The following PTPRG variants were observed in gnomAD, a reference collection of about 807,000 sequenced individuals.
The protein encoded by PTPRG is receptor-type tyrosine-protein phosphatase gamma.
PTPRG carries 102 observed loss-of-function variants against 165.3 expected under a neutral mutation model. The observed-to-expected ratio is 0.62, with a 90% CI of 0.53 to 0.73. The LOEUF (loss-of-function observed/expected upper bound fraction) is 0.73, where lower values mean the gene tolerates loss of function less well. Ranked by LOEUF, PTPRG falls within the 30% of genes least tolerant of loss-of-function variation. The pLI is 0.00. For missense variants in PTPRG, 1,866 were observed against 1,861.4 expected, an observed-to-expected ratio of 1.00 and a Z score of -0.05; for synonymous variants, 675 against 669.5, an observed-to-expected ratio of 1.01 and a Z score of -0.13.
chr3:62,136,210 A>C (rs1270807055), intron 6 of PTPRG, among the ~76,000 whole-genome samples: 1 of 152,188 alleles, frequency 6.6e-6, no homozygotes, highest in Non-Finnish European at 1.5e-5. Context: ...TCAGTACACC[A>C]TGAAGCTAGG....
intron 5 of PTPRG, among the ~76,000 whole-genome samples, chr3:62,080,061 C>CT (rs774262138): frequency 0.056 from 6,225 of 111,444 alleles, 638 homozygotes; most frequent in African/African-American, 0.15. Flanking sequence ...CCCTTCGGTT[C>CT]ATTTTTTTTT....
At chr3:61,750,048 G>C (rs1035710138) in intron 2 of PTPRG, 1 of 152,164 alleles carries the variant, frequency 6.6e-6, no homozygotes, top group African/African-American at 2.4e-5. Flanking sequence ...CCCCTGCAGG[G>C]AGAATATCCT....
chr3:61,641,369 C>T (rs1043336095), intron 1 of PTPRG, among the ~76,000 whole-genome samples: 3 of 152,140 alleles, frequency 2.0e-5, no homozygotes, highest in African/African-American at 4.8e-5. Flanking sequence ...CTCGGGAGGG[C>T]AAGACGCCCA....
chr3:61,790,072 A>G (rs2034824313), intron 2 of PTPRG, among the ~76,000 whole-genome samples: 1 of 152,144 alleles, frequency 6.6e-6, no homozygotes, highest in African/African-American at 2.4e-5. Flanking sequence ...TGTGTTGCAG[A>G]GTTCACAGGC....
chr3:62,078,669 C>G (rs1047730836), intron 5 of PTPRG, among the ~76,000 whole-genome samples: 1 of 152,012 alleles, frequency 6.6e-6, no homozygotes, highest in Non-Finnish European at 1.5e-5. Flanking sequence ...AAAGAGACCC[C>G]CTCTCTTTCC....
In PTPRG at chr3:62,195,156, C is replaced by T. The variant is rs1033010129; in HGVS notation, c.1313C>T (p.Thr438Met). The T allele has an allele frequency of 5.6e-6, 9 of 1,614,182 alleles. No individual in the cohort carries two copies. Among genetic ancestry groups the T allele is most frequent in the South Asian group, 3.3e-5 (3 of 91,088 alleles). Residue 438 changes from threonine (T) to methionine (M), a missense_variant, in exon 10 of 30, where the codon ACG (threonine) becomes ATG (methionine). Around this residue, in one of 3 missense-constraint regions of PTPRG, gnomAD observed 1,452 missense variants for 1,463.0 expected, o/e 0.99. Coordinates refer to ENST00000474889, the MANE Select transcript of PTPRG (RefSeq NM_002841.4). This position sits in a 1 kb window ranked among gnomAD's most constrained non-coding sequence, Gnocchi z 4.4. ...RNDMRSDFSQ[T>M]MLFQANTTRI... The stretch of plus-strand genomic sequence containing the variant: ...GACATGCGCAGCGACTTTAGCCAGA[C>T]GATGCTGTTTCAAGGTGAGGCTGGC...
At chr3:61,708,114 T>G (rs1383200433) in intron 1 of PTPRG, among the ~76,000 whole-genome samples, 3 of 151,876 alleles carry the variant, frequency 2.0e-5, no homozygotes, top group African/African-American at 7.3e-5. Context: ...TTTAGGGATA[T>G]TTGCCTCCCC....
intron 2 of PTPRG, among the ~76,000 whole-genome samples, chr3:61,876,913 A>G (rs1294377110): frequency 7.4e-5 from 11 of 148,722 alleles, no homozygotes; most frequent in Admixed American, 6.6e-4. Context: ...TATTTACTTA[A>G]CTTAAGTAGT....
chr3:62,206,912 C>CAAAAAAAAAAAAAAAAA (rs556974355), intron 12 of PTPRG, among the ~76,000 whole-genome samples: 10 of 37,334 alleles, frequency 2.7e-4, no homozygotes, highest in African/African-American at 7.1e-4. Flanking sequence ...GACTCTGTCT[C>CAAAAAAAAAAAAAAAAA]AAAAAAAAAA....
chr3:61,995,236 A>G (rs1439588248), intron 3 of PTPRG, among the ~76,000 whole-genome samples: 1 of 151,722 alleles, frequency 6.6e-6, no homozygotes, highest in African/African-American at 2.4e-5. Context: ...TTACAGGTGC[A>G]TGCCACCAAG....
At chr3:62,269,663 G>A (rs985255520) in intron 20 of PTPRG, among the ~76,000 whole-genome samples, 3 of 152,044 alleles carry the variant, frequency 2.0e-5, no homozygotes, top group Non-Finnish European at 2.9e-5. Context: ...CCAGAGCACT[G>A]GTGTTAACAA....
intron 6 of PTPRG, among the ~76,000 whole-genome samples, chr3:62,136,208 C>G (rs964524495): frequency 6.6e-6 from 1 of 152,116 alleles, no homozygotes; most frequent in Non-Finnish European, 1.5e-5. Flanking sequence ...TCTCAGTACA[C>G]CATGAAGCTA....
chr3:61,735,441 G>GA (rs1182208483), intron 1 of PTPRG, among the ~76,000 whole-genome samples: 1 of 151,682 alleles, frequency 6.6e-6, no homozygotes, highest in Non-Finnish European at 1.5e-5. Flanking sequence ...TAAAAATGGA[G>GA]ATAACAAAAA....
chr3:62,033,531 C>T (rs1488000244), intron 4 of PTPRG, among the ~76,000 whole-genome samples: 4 of 50,462 alleles, frequency 7.9e-5, no homozygotes, highest in Non-Finnish European at 8.1e-5. Context: ...TGCCTATCTT[C>T]CCCCCCCCAC....
At chr3:61,902,602 A>G (rs1226739479) in intron 2 of PTPRG, among the ~76,000 whole-genome samples, 5 of 152,196 alleles carry the variant, frequency 3.3e-5, no homozygotes, top group Non-Finnish European at 5.9e-5. Context: ...TGTAAGTTGT[A>G]AAATATAAAA....
chr3:61,831,671 G>T (rs2036299286), intron 2 of PTPRG, among the ~76,000 whole-genome samples: 1 of 152,158 alleles, frequency 6.6e-6, no homozygotes, highest in Non-Finnish European at 1.5e-5. Flanking sequence ...TTCAGGAATG[G>T]ATGAGTTAGG....
chr3:61,935,948 G>A (rs1280895814), intron 2 of PTPRG, among the ~76,000 whole-genome samples: 1 of 152,018 alleles, frequency 6.6e-6, no homozygotes, highest in Non-Finnish European at 1.5e-5. Context: ...ATTAAGGTGT[G>A]GCCTTGGATG....
rs77044030 is a variant in PTPRG, at chr3:62,068,623, A to C, written c.520-9540A>C. Among the ~76,000 whole-genome samples the C allele has an allele frequency of 7.9e-5, 12 of 152,240 alleles. No individual in the cohort carries two copies. In the East Asian group the frequency reaches 2.3e-3, roughly 29 times the overall value. Reference sequence around the variant, plus strand: ...CCTGAGTAGCTAGAACTACTGGTCTATGCTATCATGCCCAGCTAGTGTTTT... The same window carrying C: ...CCTGAGTAGCTAGAACTACTGGTCTCTGCTATCATGCCCAGCTAGTGTTTT... On this transcript the variant is annotated intron_variant, in intron 4 of 29. Coordinates refer to ENST00000474889, the MANE Select transcript of PTPRG (RefSeq NM_002841.4).
At chr3:61,784,860 G>A (rs17065389) in intron 2 of PTPRG, among the ~76,000 whole-genome samples, 28,244 of 152,046 alleles carry the variant, frequency 0.19, 3,682 homozygotes, top group East Asian at 0.48. Flanking sequence ...TTTCTGTGGT[G>A]TGCTCAAGAA....
Sources: allele counts gnomAD v4.1 joint callset (sites outside exome capture counted in the v4.1 genomes callset), GRCh38; gene constraint gnomAD v4.1.1; regional missense constraint gnomAD v4.1.1; non-coding constraint Gnocchi (gnomAD v3.1); transcripts MANE v1.5; gene names NCBI Gene and HGNC (gene_info 2026-07-23, HGNC 2026-07-21).